LARS1: variants seen among roughly 807,000 people sequenced by gnomAD.
The protein encoded by LARS1 is leucine--tRNA ligase, cytoplasmic.
In LARS1, 100 loss-of-function variants were observed where a neutral mutation model predicts 162.8. The observed-to-expected ratio is 0.61, with a 90% CI of 0.52 to 0.73. The LOEUF is 0.73. Among genes scored for constraint, LARS1 ranks in the 30% least tolerant of loss-of-function variants. The pLI is 0.00. For synonymous variants in LARS1, 457 were observed against 462.8 expected, an observed-to-expected ratio of 0.99 and a Z score of 0.16; for missense variants, 1,258 against 1,408.9, an observed-to-expected ratio of 0.89 and a Z score of 1.71.
At chr5:146,178,860 T>C (rs1228571552) in intron 1 of LARS1, among the ~76,000 whole-genome samples, 1 of 152,118 alleles carries the variant, frequency 6.6e-6, no homozygotes, top group Non-Finnish European at 1.5e-5. Context: ...TTTGGGAGGC[T>C]GAGGAGGGAG....
chr5:146,167,861 T>C (rs1444745663), intron 5 of LARS1, among the ~76,000 whole-genome samples: 1 of 148,792 alleles, frequency 6.7e-6, no homozygotes, highest in South Asian at 2.1e-4. Flanking sequence ...AATTTTTGTA[T>C]TTTTAGTAGA....
Position 146,153,635 on chromosome 5 carries a change from A to T in LARS1, c.1230+99T>A. 3.6e-6 allele frequency: 3 copies of T among 841,094 alleles called. No individual in the cohort carries two copies. The South Asian group carries it at 4.6e-5, about 13-fold the overall frequency. 52.1% of individuals were successfully genotyped at this position (841,094 alleles called of 1,614,324 possible). On this transcript the variant is annotated intron_variant, in intron 12 of 31. Coordinates refer to ENST00000394434, the MANE Select transcript of LARS1 (RefSeq NM_020117.11). ...AGTTAGAGATAGCAGTTTAAAGATAAATGCATAGCTTTTTAGCCTAGTCCC... is the reference window on the plus strand; with the variant it reads ...AGTTAGAGATAGCAGTTTAAAGATATATGCATAGCTTTTTAGCCTAGTCCC...
chr5:146,117,616 A>G (rs1402569329), intron 31 of LARS1, among the ~76,000 whole-genome samples: 1 of 152,190 alleles, frequency 6.6e-6, no homozygotes, highest in Non-Finnish European at 1.5e-5. Flanking sequence ...TCTCAAAATA[A>G]GTAAATAAAT....
At chr5:146,147,193 C>T (rs1581045745) in intron 15 of LARS1, among the ~76,000 whole-genome samples, 2 of 152,142 alleles carry the variant, frequency 1.3e-5, no homozygotes, top group Non-Finnish European at 2.9e-5. Flanking sequence ...TTTCTTTTTA[C>T]ACCCAAATAT....
intron 4 of LARS1, among the ~76,000 whole-genome samples, chr5:146,170,967 C>A (rs1411817438): frequency 6.6e-6 from 1 of 151,830 alleles, no homozygotes; most frequent in East Asian, 1.9e-4. Flanking sequence ...ACAAATATGG[C>A]AAACGTTAAG....
intron 31 of LARS1, among the ~76,000 whole-genome samples, chr5:146,115,919 A>G (rs913915489): frequency 6.6e-6 from 1 of 152,254 alleles, no homozygotes; most frequent in African/African-American, 2.4e-5. Context: ...AAAGCTTAGT[A>G]TAAGAGGGAT....
Position 146,143,215 on chromosome 5 carries a change from C to T in LARS1, c.1878-131G>A. 5 of 809,704 alleles carry T rather than the reference C, an allele frequency of 6.2e-6. No homozygotes were observed. The South Asian group carries it at 1.3e-4, about 22-fold the overall frequency. 50.2% of individuals were successfully genotyped at this position (809,704 alleles called of 1,614,324 possible). On this transcript the variant is annotated intron_variant, in intron 19 of 31. Transcript: ENST00000394434. ...TAGTTACAGGAACAAATAAGGACAA[C>T]AGCTTCCATAAGAATGAAGAATAGA...
chr5:146,120,533 A>T, intron 30 of LARS1, 30 bp from the exon 31 acceptor site: 1 of 1,603,752 alleles, frequency 6.2e-7, no homozygotes, highest in Non-Finnish European at 8.5e-7. Context: ...ATGATTGTTT[A>T]ACTTGAATAC....
rs1561828746 is a variant in LARS1, at chr5:146,166,613, T to C, written c.432+1515A>G. On this transcript the variant is annotated intron_variant, in intron 5 of 31. Coordinates refer to ENST00000394434, the MANE Select transcript of LARS1 (RefSeq NM_020117.11). ...TGAATATCCATGAATCCATATGACA[T>C]AGAAAGGACAGATTAAGTAAGTGGG... 4.6e-5 allele frequency among the ~76,000 whole-genome samples: 7 copies of C among 152,238 alleles called. No homozygotes were observed. In the South Asian group the frequency reaches 1.0e-3, roughly 23 times the overall value.
In LARS1 at chr5:146,164,228, T is replaced by C. The variant is rs975024076; in HGVS notation, c.594+82A>G. 3.7e-6 allele frequency: 5 copies of C among 1,342,208 alleles called. No individual in the cohort carries two copies. In the African/African-American group the frequency reaches 6.0e-5, roughly 16 times the overall value. The allele number at this position is 1,342,208 out of a possible 1,614,324, so 83.1% of individuals were successfully genotyped here. On this transcript the variant is annotated intron_variant, in intron 6 of 31. Coordinates refer to ENST00000394434, the MANE Select transcript of LARS1 (RefSeq NM_020117.11). Reference sequence around the variant, plus strand: ...TCTTCAATTGTAAAAAAAATCCATGTCTGGAAAGCACAATAAAGCAAAGCA... The same window carrying C: ...TCTTCAATTGTAAAAAAAATCCATGCCTGGAAAGCACAATAAAGCAAAGCA...
intron 5 of LARS1, among the ~76,000 whole-genome samples, chr5:146,166,198 G>A (rs537486867): frequency 2.6e-5 from 4 of 152,108 alleles, no homozygotes; most frequent in Non-Finnish European, 2.9e-5. Flanking sequence ...GTTGAATCAC[G>A]GAAAATACAA....
chr5:146,175,202 G>C (rs1447212640), intron 2 of LARS1, among the ~76,000 whole-genome samples: 1 of 151,182 alleles, frequency 6.6e-6, no homozygotes, highest in Non-Finnish European at 1.5e-5. Context: ...CTGGGTGACA[G>C]AGGCTCGCTC....
intron 31 of LARS1, among the ~76,000 whole-genome samples, chr5:146,117,762 T>C (rs1751620305): frequency 6.8e-6 from 1 of 146,790 alleles, no homozygotes; most frequent in Non-Finnish European, 1.5e-5. Context: ...TGAGAGGACA[T>C]AATAAATGCA....
intron 2 of LARS1, among the ~76,000 whole-genome samples, chr5:146,173,539 CT>C (rs542049744): frequency 0.016 from 2,133 of 134,836 alleles, 19 homozygotes; most frequent in African/African-American, 0.037. Context: ...TCCTTTAAAG[CT>C]TTTTTTTTTT....
intron 2 of LARS1, among the ~76,000 whole-genome samples, chr5:146,176,367 G>C (rs1411495096): frequency 6.7e-6 from 1 of 149,072 alleles, no homozygotes; most frequent in Non-Finnish European, 1.5e-5. Context: ...CAGGAGAATC[G>C]CTTTAACCAG....
At chr5:146,128,854 A>AAC in intron 26 of LARS1, 72 bp from the exon 27 acceptor site, 1 of 1,434,192 alleles carries the variant, frequency 7.0e-7, no homozygotes, top group East Asian at 2.3e-5. Flanking sequence ...ACCCTCCCCC[A>AAC]ACATACACCA....
At chr5:146,133,531 A>G (rs1262195139) in intron 22 of LARS1, among the ~76,000 whole-genome samples, 1 of 152,158 alleles carries the variant, frequency 6.6e-6, no homozygotes, top group Non-Finnish European at 1.5e-5. Flanking sequence ...CTCAGTTTTG[A>G]AACTAGGTTC....
chr5:146,140,364 A>T, intron 20 of LARS1, 103 bp from the exon 21 acceptor site: 1 of 847,112 alleles, frequency 1.2e-6, no homozygotes, highest in Admixed American at 2.3e-5. Context: ...AGGCTTGCTA[A>T]GATAAAAGTG....
rs1764088873 is a variant in LARS1, at chr5:146,114,046, G to T, written c.*60C>A. 7.7e-7 allele frequency: 1 copy of T among 1,298,716 alleles called. No individual in the cohort carries two copies. Among genetic ancestry groups the T allele is most frequent in the Non-Finnish European group, 1.1e-6 (1 of 895,346 alleles). The allele number at this position is 1,298,716 out of a possible 1,614,324, so 80.4% of individuals were successfully genotyped here. A position where few individuals can be genotyped will look rare whatever the true frequency, so the allele number is the denominator to read the frequency against. ...CTAAGGTTCTGATAGCCAATCAGTA[G>T]ACACAATCAGAGTAGTAGTATTCCT... On this transcript the variant is annotated 3_prime_UTR_variant, in exon 32 of 32. Coordinates refer to ENST00000394434, the MANE Select transcript of LARS1 (RefSeq NM_020117.11).
Sources: gnomAD v4.1 joint callset for allele counts (sites outside exome capture counted in the v4.1 genomes callset) on GRCh38, gnomAD v4.1.1 for gene constraint, MANE v1.5 for transcripts, NCBI Gene and HGNC (gene_info 2026-07-23, HGNC 2026-07-21) for gene names.